The following AGBL1 variants were observed in gnomAD, a reference collection of about 807,000 sequenced individuals.
AGBL1 encodes AGBL carboxypeptidase 1.
In AGBL1, 130 loss-of-function variants were observed where a neutral mutation model predicts 118.9. The ratio of observed to expected loss-of-function variants is 1.09; its 90% CI spans 0.95 to 1.26. The LOEUF (loss-of-function observed/expected upper bound fraction) is 1.26. Among genes scored for constraint, AGBL1 ranks in the 50% most tolerant of loss-of-function variants. AGBL1 has a pLI of 0.00. For synonymous variants in AGBL1, 555 were observed against 478.9 expected (o/e 1.16, Z -2.08); for missense variants, 1,584 against 1,298.1 (o/e 1.22, Z -3.38).
At chr15:86,524,431 A>T (rs2083234168) in intron 19 of AGBL1, among the ~76,000 whole-genome samples, 1 of 152,196 alleles carries the variant, frequency 6.6e-6, no homozygotes. Context: ...ACAAGGTACA[A>T]ATTTCCAGGT....
intron 17 of AGBL1, among the ~76,000 whole-genome samples, chr15:86,374,556 G>A (rs1023456507): frequency 6.6e-6 from 1 of 152,170 alleles, no homozygotes. Context: ...AATGATTGGA[G>A]TTAGAGCACA....
intron 17 of AGBL1, among the ~76,000 whole-genome samples, chr15:86,342,050 G>C (rs751692688): frequency 6.6e-6 from 1 of 152,082 alleles, no homozygotes; most frequent in Non-Finnish European, 1.5e-5. Flanking sequence ...CCTCCCCCAG[G>C]GTTTTCTCAT....
intron 7 of AGBL1, 82 bp downstream of exon 7, chr15:86,247,961 T>C (rs2141993360): frequency 1.3e-6 from 2 of 1,518,246 alleles, no homozygotes; most frequent in South Asian, 2.3e-5. Context: ...TCATCCCAGA[T>C]AGAGCTGGGA....
intron 21 of AGBL1, among the ~76,000 whole-genome samples, chr15:86,619,947 C>T (rs965332371): frequency 6.6e-6 from 1 of 152,196 alleles, no homozygotes; most frequent in Non-Finnish European, 1.5e-5. Context: ...AGAGCTAAGT[C>T]ACACTGCTGC....
In AGBL1 at chr15:86,264,690, C is replaced by T; in HGVS notation, c.1519C>T (p.Pro507Ser). The T allele has an allele frequency of 6.2e-7, 1 of 1,613,974 alleles. No homozygotes were observed. The highest frequency in any genetic ancestry group is 8.5e-7 in the Non-Finnish European group (1 of 1,179,898). ...KLLQTHLKRVPFHDPYLYMAK... is the reference protein window; with the variant it reads ...KLLQTHLKRVSFHDPYLYMAK... The stretch of plus-strand genomic sequence containing the variant: ...TCTGCAGACACATCTGAAGCGTGTC[C>T]CTTTCCACGATCCCTATCTTTATAT... The change falls in exon 11 of 23, where the codon CCT becomes TCT. Residue 507 changes from proline to serine, a missense_variant. Pro to Ser is a moderately conservative substitution (Grantham distance 74). Coordinates refer to ENST00000614907, the MANE Select transcript of AGBL1 (RefSeq NM_001386094.1).
intron 14 of AGBL1, among the ~76,000 whole-genome samples, 199 bp downstream of exon 14, chr15:86,270,266 C>G (rs545623323): frequency 3.3e-5 from 5 of 152,296 alleles, no homozygotes; most frequent in South Asian, 4.1e-4. Flanking sequence ...CACCCTCACT[C>G]TGCCACACAT....
intron 3 of AGBL1, 109 bp from the exon 4 acceptor site, chr15:86,154,321 G>A: frequency 7.9e-7 from 1 of 1,266,344 alleles, no homozygotes; most frequent in Non-Finnish European, 1.1e-6. Context: ...AATGTCTTTG[G>A]CTATGATTAT....
At chr15:86,469,974 GC>G (rs1413188525) in intron 18 of AGBL1, among the ~76,000 whole-genome samples, 1 of 152,062 alleles carries the variant, frequency 6.6e-6, no homozygotes. Context: ...TTGGATGTTA[GC>G]CCCTTACAGA....
chr15:86,308,909 T>G (rs1597714594), intron 17 of AGBL1, among the ~76,000 whole-genome samples: 1 of 152,334 alleles, frequency 6.6e-6, no homozygotes, highest in Admixed American at 6.5e-5. Flanking sequence ...CTATTTGGGA[T>G]CTTTGGTGGT....
chr15:86,340,542 C>T (rs1445095746), intron 17 of AGBL1, among the ~76,000 whole-genome samples: 1 of 152,108 alleles, frequency 6.6e-6, no homozygotes, highest in Non-Finnish European at 1.5e-5. Flanking sequence ...CTGGAGGCTC[C>T]AGAAGCTGGA....
intron 21 of AGBL1, among the ~76,000 whole-genome samples, chr15:86,650,837 A>G (rs958215644): frequency 3.3e-5 from 5 of 152,154 alleles, no homozygotes; most frequent in African/African-American, 1.2e-4. Context: ...ACTTTTTTGT[A>G]TCCTGCAGCT....
At chr15:86,212,161 C>T (rs1022998006) in intron 5 of AGBL1, among the ~76,000 whole-genome samples, 1 of 152,134 alleles carries the variant, frequency 6.6e-6, no homozygotes, top group Admixed American at 6.6e-5. Flanking sequence ...ATTTACTCAC[C>T]AAACATATAT....
intron 18 of AGBL1, among the ~76,000 whole-genome samples, chr15:86,417,103 A>C (rs1331041455): frequency 6.6e-6 from 1 of 152,210 alleles, no homozygotes; most frequent in African/African-American, 2.4e-5. Context: ...AGCATTCATC[A>C]CATGTGGCCA....
At chr15:86,675,087 G>T (rs2085814963) in intron 22 of AGBL1, among the ~76,000 whole-genome samples, 1 of 152,160 alleles carries the variant, frequency 6.6e-6, no homozygotes, top group African/African-American at 2.4e-5. Context: ...AATTCAGTGG[G>T]CAAGAGGGGA....
intron 17 of AGBL1, chr15:86,296,345 C>G (rs1354875315): frequency 6.6e-6 from 1 of 152,202 alleles, no homozygotes; most frequent in Non-Finnish European, 1.5e-5. Flanking sequence ...GAAGATACTG[C>G]CTTCCGTAAT....
At chr15:87,009,115 C>A (rs2037013403) in intron 24 of AGBL1, among the ~76,000 whole-genome samples, 1 of 152,084 alleles carries the variant, frequency 6.6e-6, no homozygotes, top group African/African-American at 2.4e-5. Flanking sequence ...GTCTCCAGGG[C>A]ATATCAGAGA....
At chr15:86,779,555 A>T (rs957067502) in intron 22 of AGBL1, among the ~76,000 whole-genome samples, 4 of 152,128 alleles carry the variant, frequency 2.6e-5, no homozygotes, top group African/African-American at 7.2e-5. Flanking sequence ...GCATCTAATT[A>T]TTTGGGTATA....
At chr15:86,586,930 T>C (rs1399136557) in intron 21 of AGBL1, among the ~76,000 whole-genome samples, 1 of 151,928 alleles carries the variant, frequency 6.6e-6, no homozygotes. Context: ...ATATACTGGG[T>C]CAAAAAAGAC....
At chr15:86,322,597 G>A (rs575862490) in intron 17 of AGBL1, among the ~76,000 whole-genome samples, 1 of 152,124 alleles carries the variant, frequency 6.6e-6, no homozygotes, top group East Asian at 1.9e-4. Context: ...TTACTAGTAT[G>A]CTTTATGAAT....
Sources: allele counts gnomAD v4.1 joint callset (sites outside exome capture counted in the v4.1 genomes callset), GRCh38; gene constraint gnomAD v4.1.1; transcripts MANE v1.5; gene names NCBI Gene and HGNC (gene_info 2026-07-23, HGNC 2026-07-21).